TRPM3: variants seen among roughly 807,000 people sequenced by gnomAD.
TRPM3 encodes transient receptor potential cation channel subfamily M member 3.
Under a neutral mutation model 181.2 loss-of-function variants are expected in TRPM3, and 77 were observed. That is an observed-to-expected ratio of 0.42 (90% CI 0.35 to 0.51). The LOEUF is 0.51. Among genes scored for constraint, TRPM3 ranks in the 20% least tolerant of loss-of-function variants. The pLI is 0.01. For synonymous variants in TRPM3, 745 were observed against 796.4 expected (o/e 0.94, Z 1.09); for missense variants, 1,759 against 2,196.7 (o/e 0.80, Z 3.98).
chr9:71,133,974 TG>T (rs1315382383), intron 1 of TRPM3, among the ~76,000 whole-genome samples: 149 of 2,074 alleles, frequency 0.072, 1 homozygote, highest in East Asian at 0.41. Flanking sequence ...TGTGTGTGTT[TG>T]TGTGTGTGTG....
At chr9:70,954,770 A>G (rs1455652063) in intron 1 of TRPM3, among the ~76,000 whole-genome samples, 1 of 152,172 alleles carries the variant, frequency 6.6e-6, no homozygotes, top group Non-Finnish European at 1.5e-5. Context: ...TCTGCTGTCA[A>G]CTGCACATCA....
intron 1 of TRPM3, among the ~76,000 whole-genome samples, chr9:70,960,930 T>C (rs1401833386): frequency 1.3e-5 from 2 of 152,194 alleles, no homozygotes; most frequent in Non-Finnish European, 2.9e-5. Context: ...ACTGAAAGTG[T>C]TCCTTAATAT....
chr9:71,282,211 AGAAAG>A (rs1201608206), intron 1 of TRPM3, among the ~76,000 whole-genome samples: 1 of 130,446 alleles, frequency 7.7e-6, no homozygotes, highest in East Asian at 2.0e-4. Context: ...AAAGAAAGAA[AGAAAG>A]GAAAGAAAGA....
intron 1 of TRPM3, among the ~76,000 whole-genome samples, chr9:71,387,159 A>G (rs985165157): frequency 2.0e-5 from 3 of 152,176 alleles, no homozygotes; most frequent in Admixed American, 2.0e-4. Context: ...GAAAATTTAG[A>G]TTATCTAAAA....
intron 5 of TRPM3, among the ~76,000 whole-genome samples, chr9:70,840,574 T>C (rs2094572870): frequency 6.6e-6 from 1 of 151,952 alleles, no homozygotes; most frequent in Non-Finnish European, 1.5e-5. Flanking sequence ...AATGCATAAG[T>C]TTCTAGTTGC....
intron 6 of TRPM3, among the ~76,000 whole-genome samples, chr9:70,810,946 T>C (rs935789414): frequency 6.6e-6 from 1 of 152,196 alleles, no homozygotes; most frequent in Admixed American, 6.5e-5. Context: ...TCCCTCCTAG[T>C]AGTATCCCAA....
chr9:70,981,970 T>C (rs911275663), intron 1 of TRPM3, among the ~76,000 whole-genome samples: 4 of 152,188 alleles, frequency 2.6e-5, no homozygotes, highest in African/African-American at 9.7e-5. Flanking sequence ...TAAAGTGCCT[T>C]GATATACTGG....
intron 1 of TRPM3, among the ~76,000 whole-genome samples, chr9:71,271,221 T>C (rs2083765529): frequency 6.6e-6 from 1 of 152,164 alleles, no homozygotes; most frequent in Non-Finnish European, 1.5e-5. Context: ...GTTATGAAAT[T>C]ATCCCATTTT....
chr9:70,906,514 C>G (rs558168872), intron 1 of TRPM3, among the ~76,000 whole-genome samples: 1 of 151,502 alleles, frequency 6.6e-6, no homozygotes, highest in African/African-American at 2.4e-5. Flanking sequence ...TTTGGGAGTC[C>G]TTGGAAGTTT....
At chr9:70,576,514 T>C (rs28497056) in intron 22 of TRPM3, among the ~76,000 whole-genome samples, 5,699 of 151,642 alleles carry the variant, frequency 0.038, 164 homozygotes, top group Non-Finnish European at 0.053. Flanking sequence ...TCTTCTTTTT[T>C]TTTTTTTTTT....
intron 1 of TRPM3, among the ~76,000 whole-genome samples, chr9:71,216,894 T>C (rs2131828711): frequency 6.6e-6 from 1 of 152,018 alleles, no homozygotes; most frequent in Middle Eastern, 3.4e-3. Context: ...TTGCTGTAAT[T>C]TGTACAGCAC....
intron 1 of TRPM3, among the ~76,000 whole-genome samples, chr9:71,120,314 C>A (rs1052305592): frequency 1.3e-5 from 2 of 152,136 alleles, no homozygotes; most frequent in Non-Finnish European, 1.5e-5. Context: ...TTAAGTATTA[C>A]CACCTTCTAT....
intron 1 of TRPM3, chr9:71,446,615 A>C: frequency 2.6e-6 from 4 of 1,540,872 alleles, no homozygotes; most frequent in Non-Finnish European, 3.5e-6. Context: ...GAAGGGAGAA[A>C]AGAAAGCAAA....
chr9:71,380,684 C>A (rs2092779239), intron 1 of TRPM3, among the ~76,000 whole-genome samples: 1 of 152,034 alleles, frequency 6.6e-6, no homozygotes, highest in East Asian at 1.9e-4. Flanking sequence ...ATAAAAGTGA[C>A]TTTATTAAAT....
rs76958528 is a variant in TRPM3 at position 70,816,466 on chromosome 9, G to A, written c.973+11381C>T. Among the ~76,000 whole-genome samples the A allele has an allele frequency of 7.0e-3, 1,063 of 152,246 alleles. 12 individuals are homozygous for A. The highest frequency in any genetic ancestry group is 0.023 in the African/African-American group (972 of 41,526). ...TGGCTGCTTTTATTCCCTGAGACAG[G>A]TCTCTTGTTCTTTTCCCCCAAGAGG... On this transcript the variant is annotated intron_variant, in intron 6 of 25. Transcript: ENST00000677713.
In TRPM3 at chr9:70,916,427, C is replaced by T. The variant is rs544196811; in HGVS notation, c.178-51916G>A. ...ATGAATCAATCAAAAATAATAACTA[C>T]AACAACTTTTCAAGACAGTAGAGTA... is the stretch of plus-strand genomic sequence containing the variant. On this transcript the variant is annotated intron_variant, in intron 1 of 25. Transcript: ENST00000677713. 2.6e-3 allele frequency among the ~76,000 whole-genome samples: 396 copies of T among 152,212 alleles called. 3 individuals are homozygous for T. Among genetic ancestry groups the T allele is most frequent in the African/African-American group, 9.2e-3 (380 of 41,524 alleles).
intron 1 of TRPM3, among the ~76,000 whole-genome samples, chr9:71,406,140 C>G (rs2093431973): frequency 6.6e-6 from 1 of 152,030 alleles, no homozygotes; most frequent in Non-Finnish European, 1.5e-5. Flanking sequence ...CAAAAGTAAA[C>G]AGCTCCCTTT....
chr9:70,590,258 A>C (rs1259166316), intron 22 of TRPM3, among the ~76,000 whole-genome samples: 1 of 152,186 alleles, frequency 6.6e-6, no homozygotes, highest in Non-Finnish European at 1.5e-5. Flanking sequence ...AAAATCCTGG[A>C]ACAGACTCCT....
intron 1 of TRPM3, among the ~76,000 whole-genome samples, chr9:70,901,500 CTT>C (rs922642393): frequency 8.6e-5 from 13 of 151,814 alleles, no homozygotes; most frequent in African/African-American, 3.1e-4. Flanking sequence ...GCATAACAGA[CTT>C]TGTATCCATG....
Sources: gnomAD v4.1 joint callset for allele counts (sites outside exome capture counted in the v4.1 genomes callset) on GRCh38, gnomAD v4.1.1 for gene constraint, MANE v1.5 for transcripts, NCBI Gene and HGNC (gene_info 2026-07-23, HGNC 2026-07-21) for gene names.